GET1: variants seen among roughly 807,000 people sequenced by gnomAD.
GET1 encodes the protein congenital heart disease 5 protein.
Under a neutral mutation model 22.6 loss-of-function variants are expected in GET1, and 20 were observed. The observed-to-expected ratio is 0.89, with a 90% CI of 0.62 to 1.29. The LOEUF is 1.29. GET1 is among the 50% of genes most tolerant of loss of function. The pLI is 0.00. For missense variants in GET1, 209 were observed against 219.9 expected (o/e 0.95, Z 0.31); for synonymous variants, 92 against 83.8 (o/e 1.10, Z -0.53).
intron 4 of GET1, among the ~76,000 whole-genome samples, chr21:39,394,978 T>TC (rs2038543913): frequency 6.6e-6 from 1 of 151,866 alleles, no homozygotes; most frequent in African/African-American, 2.4e-5. Flanking sequence ...CAAGCGGTCC[T>TC]CCCACCTTAG....
chr21:39,422,601 T>C, intron 1 of GET1: 1 of 315,028 alleles, frequency 3.2e-6, no homozygotes, highest in Middle Eastern at 8.7e-4. Context: ...TAATCAACAG[T>C]TTAAGGTAGA....
chr21:39,387,652 T>C (rs1190734056), intron 1 of GET1: 3 of 360,780 alleles, frequency 8.3e-6, no homozygotes, highest in African/African-American at 2.2e-5. Flanking sequence ...ACGCTGCGCA[T>C]GAGCCCCTAG....
intron 1 of GET1, among the ~76,000 whole-genome samples, chr21:39,381,782 T>C (rs1416739240): frequency 3.3e-5 from 5 of 152,222 alleles, no homozygotes; most frequent in African/African-American, 1.2e-4. Context: ...AGACAGGGTC[T>C]GGCTCTGTGC....
intron 1 of GET1, among the ~76,000 whole-genome samples, chr21:39,424,462 C>CA (rs1180754991): frequency 4.6e-5 from 7 of 152,190 alleles, no homozygotes; most frequent in Non-Finnish European, 8.8e-5. Flanking sequence ...GCCTGGGTGA[C>CA]AAAGTGAGAC....
chr21:39,380,573 T>G lies in GET1; in HGVS notation c.102+87T>G, dbSNP rs1281005575. Reference sequence around the variant, plus strand: ...CTGGCGTAGGTACAGGGGTCTCAACTGGGCGACTGAAGGCCGTAGTAGCGT... The same window carrying G: ...CTGGCGTAGGTACAGGGGTCTCAACGGGGCGACTGAAGGCCGTAGTAGCGT... On this transcript the variant is annotated intron_variant, in intron 1 of 4. Coordinates refer to ENST00000649170, the MANE Select transcript of GET1 (RefSeq NM_004627.6). The G allele has an allele frequency of 1.5e-5, 23 of 1,537,942 alleles. No individual in the cohort carries two copies. The African/African-American group carries it at 1.5e-4, about 10-fold the overall frequency.
At chr21:39,408,497 G>A (rs372841248), downstream of GET1, 1 of 152,494 alleles carries the variant, frequency 6.6e-6, no homozygotes, top group East Asian at 1.9e-4. Context: ...AGACAGACTA[G>A]GACCCCTGCT....
downstream of GET1, among the ~76,000 whole-genome samples, chr21:39,402,576 T>C (rs567978989): frequency 2.0e-5 from 3 of 152,334 alleles, no homozygotes; most frequent in East Asian, 5.8e-4. Flanking sequence ...AAGCTTACTT[T>C]AGTGCTTTGC....
chr21:39,398,611 G>GTTTT (rs111949013), downstream of GET1, among the ~76,000 whole-genome samples: 3 of 127,756 alleles, frequency 2.3e-5, no homozygotes, highest in African/African-American at 6.1e-5. Context: ...AAATTATACA[G>GTTTT]TTTTTTTTTT....
At chr21:39,423,533 A>C in intron 1 of GET1, 1 of 1,483,690 alleles carries the variant, frequency 6.7e-7, no homozygotes, top group Non-Finnish European at 8.9e-7. Context: ...TAAAATATAC[A>C]GATATGCAAA....
At chr21:39,420,404 T>G (rs561744300) in intron 1 of GET1, among the ~76,000 whole-genome samples, 1 of 150,464 alleles carries the variant, frequency 6.6e-6, no homozygotes, top group East Asian at 2.0e-4. Flanking sequence ...ATGCCTGTAC[T>G]CCTAGCTACT....
At chr21:39,420,748 C>G in intron 1 of GET1, 9 of 1,613,644 alleles carry the variant, frequency 5.6e-6, no homozygotes, top group Non-Finnish European at 7.6e-6. Context: ...CCTGCAGAGT[C>G]TTGGTAGCTG....
At chr21:39,390,904 A>G in intron 2 of GET1, 41 bp downstream of exon 2, 3 of 1,606,874 alleles carry the variant, frequency 1.9e-6, no homozygotes, top group African/African-American at 1.3e-5. Context: ...ATGAGAGCGG[A>G]TGAATAGAGA....
chr21:39,426,737 G>A (rs1393857140), intron 1 of GET1, among the ~76,000 whole-genome samples: 1 of 152,242 alleles, frequency 6.6e-6, no homozygotes, highest in African/African-American at 2.4e-5. Flanking sequence ...AATTTCAAAT[G>A]TGGATAAGGA....
At chr21:39,409,258 GA>G (rs1473320455), downstream of GET1, among the ~76,000 whole-genome samples, 1 of 152,174 alleles carries the variant, frequency 6.6e-6, no homozygotes, top group Non-Finnish European at 1.5e-5. This position sits in a 1 kb window ranked among gnomAD's most constrained non-coding sequence, Gnocchi z 4.2. Flanking sequence ...GGCCTTAACT[GA>G]AGCCAAATGC....
chr21:39,408,070 T>C (rs1172898800), downstream of GET1, among the ~76,000 whole-genome samples: 1 of 152,256 alleles, frequency 6.6e-6, no homozygotes, highest in Admixed American at 6.5e-5. Flanking sequence ...CTGAATGAAC[T>C]CTGGGACTCA....
At chr21:39,380,935 G>GGGGCC in intron 1 of GET1, 1 of 187,972 alleles carries the variant, frequency 5.3e-6, no homozygotes, top group Non-Finnish European at 9.8e-6. Flanking sequence ...GGTAGGGTGG[G>GGGGCC]AGACAGGTGT....
rs56725659 is a variant in GET1, at chr21:39,417,348, GT to G, written c.*23+6419del. Among the ~76,000 whole-genome samples, 429 of 151,864 alleles carry G rather than the reference GT, an allele frequency of 2.8e-3. 1 individual carries two copies. Among genetic ancestry groups the G allele is most frequent in the African/African-American group, 9.9e-3 (412 of 41,424 alleles). On this transcript the variant is annotated intron_variant, in intron 1 of 1. Coordinates refer to the GET1 transcript ENST00000478273. ...AGCCACTGTACCCAGCTGCTTTTTA[GT>G]TTTTTTTACGTTTAATTCTGCTTTG...
At chr21:39,423,724 A>G (rs184117034) in intron 1 of GET1, among the ~76,000 whole-genome samples, 1 of 152,334 alleles carries the variant, frequency 6.6e-6, no homozygotes, top group Non-Finnish European at 1.5e-5. Flanking sequence ...CAGTTGTAAT[A>G]TATTTTATAG....
At chr21:39,422,900 C>T (rs916802894) in intron 1 of GET1, 31 of 1,294,530 alleles carry the variant, frequency 2.4e-5, no homozygotes, top group Middle Eastern at 2.3e-4. Flanking sequence ...ACAGAGGGGG[C>T]GCATCCATGA....
Sources: allele counts gnomAD v4.1 joint callset (sites outside exome capture counted in the v4.1 genomes callset), GRCh38; gene constraint gnomAD v4.1.1; non-coding constraint Gnocchi (gnomAD v3.1); transcripts MANE v1.5; gene names NCBI Gene and HGNC (gene_info 2026-07-23, HGNC 2026-07-21).